NCAM2: variants seen among roughly 807,000 people sequenced by gnomAD.
The protein encoded by NCAM2 is N-CAM-2.
A neutral mutation model predicts 98.1 loss-of-function variants in NCAM2; 30 were observed. That is an observed-to-expected ratio of 0.31 (90% confidence interval 0.23 to 0.41). The LOEUF is 0.41. Ranked by LOEUF, NCAM2 falls within the 10% of genes least tolerant of loss-of-function variation. NCAM2 has a pLI of 1.00. For synonymous variants in NCAM2, 368 were observed against 342.4 expected (o/e 1.07, Z -0.83); for missense variants, 867 against 1,005.8 (o/e 0.86, Z 1.87).
intron 1 of NCAM2, among the ~76,000 whole-genome samples, chr21:21,206,744 T>C (rs1191991900): frequency 6.6e-6 from 1 of 152,108 alleles, no homozygotes; most frequent in Non-Finnish European, 1.5e-5. Context: ...TTCTTTGGTA[T>C]AGAAATTGGA....
chr21:21,456,432 T>C (rs1982156219), intron 12 of NCAM2, among the ~76,000 whole-genome samples: 1 of 152,196 alleles, frequency 6.6e-6, no homozygotes, highest in Non-Finnish European at 1.5e-5. Context: ...TGTATTCATT[T>C]TATAGTGCTA....
At chr21:21,216,433 A>C (rs1184237788) in intron 1 of NCAM2, among the ~76,000 whole-genome samples, 2 of 152,216 alleles carry the variant, frequency 1.3e-5, no homozygotes, top group Non-Finnish European at 2.9e-5. Flanking sequence ...GGAGTTGGAC[A>C]GATGGAGAAC....
intron 1 of NCAM2, among the ~76,000 whole-genome samples, chr21:21,143,211 GT>G (rs963393885): frequency 4.0e-5 from 6 of 151,868 alleles, no homozygotes; most frequent in African/African-American, 1.5e-4. Flanking sequence ...AGGCTTTTGG[GT>G]TTTTTTCCAT....
intron 8 of NCAM2, among the ~76,000 whole-genome samples, chr21:21,370,684 G>A (rs2075895069): frequency 6.6e-6 from 1 of 151,688 alleles, no homozygotes; most frequent in African/African-American, 2.4e-5. Flanking sequence ...ATGAACTCCA[G>A]GGCTAGACAA....
intron 1 of NCAM2, among the ~76,000 whole-genome samples, chr21:21,030,368 A>G (rs1014012319): frequency 2.6e-5 from 4 of 152,200 alleles, no homozygotes; most frequent in Non-Finnish European, 5.9e-5. Flanking sequence ...ACAAATTACC[A>G]TGAACTTAGA....
intron 1 of NCAM2, among the ~76,000 whole-genome samples, chr21:21,121,502 T>C (rs756671514): frequency 1.3e-5 from 2 of 152,186 alleles, no homozygotes; most frequent in Non-Finnish European, 2.9e-5. Flanking sequence ...ATGAATGACT[T>C]TGAATTGGGC....
Position 21,473,373 on chromosome 21 carries a change from A to AATATATATATATATATATAT in NCAM2, c.1897-3917_1897-3898dup, listed in dbSNP as rs57318222. 2.7e-3 allele frequency among the ~76,000 whole-genome samples: 373 copies of AATATATATATATATATATAT among 140,442 alleles called. 3 individuals are homozygous for AATATATATATATATATATAT. The highest frequency in any genetic ancestry group is 9.4e-3 in the African/African-American group (357 of 38,180). 92.1% of individuals were successfully genotyped at this position (140,442 alleles called of 152,430 possible). The stretch of plus-strand genomic sequence containing the variant: ...ATATAATATACAAAATATATGTATA[A>AATATATATATATATATATAT]ATATATATATATATATATATTATAT... On this transcript the variant is annotated intron_variant, in intron 14 of 17. Coordinates refer to ENST00000400546, the MANE Select transcript of NCAM2 (RefSeq NM_004540.5).
At chr21:21,407,847 A>G (rs2076773822) in intron 9 of NCAM2, among the ~76,000 whole-genome samples, 2 of 152,202 alleles carry the variant, frequency 1.3e-5, no homozygotes, top group African/African-American at 2.4e-5. Flanking sequence ...AAATAAAGAT[A>G]TAGACGTAAA....
At chr21:21,405,435 C>G (rs1017340557) in intron 9 of NCAM2, among the ~76,000 whole-genome samples, 3 of 151,798 alleles carry the variant, frequency 2.0e-5, no homozygotes, top group Admixed American at 6.6e-5. Context: ...CTAACTTTGG[C>G]GAGGTCCAGA....
At chr21:21,202,904 A>T (rs2069289118) in intron 1 of NCAM2, among the ~76,000 whole-genome samples, 3 of 152,162 alleles carry the variant, frequency 2.0e-5, no homozygotes, top group Admixed American at 2.0e-4. Context: ...ATGAATTTCT[A>T]GGACATATAT....
At chr21:21,262,876 G>A (rs1277157253) in intron 1 of NCAM2, among the ~76,000 whole-genome samples, 2 of 152,038 alleles carry the variant, frequency 1.3e-5, no homozygotes, top group Admixed American at 1.3e-4. Context: ...AGAGAAGAGA[G>A]CTTGTGCAGA....
At chr21:21,379,978 T>C (rs2076116578) in intron 9 of NCAM2, among the ~76,000 whole-genome samples, 1 of 152,094 alleles carries the variant, frequency 6.6e-6, no homozygotes, top group African/African-American at 2.4e-5. Context: ...GGAAGAAAGA[T>C]GTAGGCTGGG....
chr21:21,432,075 G>T (rs547504081), intron 11 of NCAM2, 33 bp from the exon 12 acceptor site: 8 of 1,593,986 alleles, frequency 5.0e-6, no homozygotes, highest in Middle Eastern at 1.7e-4. Context: ...CCATTCCCTT[G>T]GTTATGTTTT....
rs1235439753 is a variant in NCAM2, at chr21:21,522,551, A to G, written c.2283-11986A>G. Among the ~76,000 whole-genome samples, 6 of 151,574 alleles carry G rather than the reference A, an allele frequency of 4.0e-5. No individual in the cohort carries two copies. The East Asian group carries it at 9.6e-4, about 24-fold the overall frequency. ...AGAAAGAATATCCTTTCTCAGACAA[A>G]CAAAAATAGAGGGTATTTTTTGCCA... On this transcript the variant is annotated intron_variant, in intron 16 of 17. Coordinates refer to ENST00000400546, the MANE Select transcript of NCAM2 (RefSeq NM_004540.5).
intron 1 of NCAM2, among the ~76,000 whole-genome samples, chr21:21,258,812 C>T (rs778439822): frequency 4.6e-5 from 7 of 152,038 alleles, no homozygotes; most frequent in Non-Finnish European, 1.0e-4. Flanking sequence ...CTTTGGCAAG[C>T]ACAGGCCAAA....
intron 1 of NCAM2, among the ~76,000 whole-genome samples, chr21:21,154,509 TG>T (rs1197619224): frequency 6.6e-6 from 1 of 151,842 alleles, no homozygotes; most frequent in Admixed American, 6.6e-5. Context: ...TAAAATGATA[TG>T]GTATCTCATA....
At chr21:21,204,882 G>C (rs1361997353) in intron 1 of NCAM2, among the ~76,000 whole-genome samples, 1 of 152,086 alleles carries the variant, frequency 6.6e-6, no homozygotes, top group African/African-American at 2.4e-5. Context: ...TATAAATATA[G>C]AACGTATCCT....
At position 21,286,428 on chromosome 21, in the gene NCAM2, A is replaced by G. The variant is rs1240915815; in HGVS notation, c.481+16A>G. Reference sequence around the variant, plus strand: ...ATTTCCGACAGTTAGTATTTTGGTAACTCCCTAAGTTATATGTTCTAATAC... The same window carrying G: ...ATTTCCGACAGTTAGTATTTTGGTAGCTCCCTAAGTTATATGTTCTAATAC... On this transcript the variant is annotated intron_variant, in intron 4 of 17. Transcript: ENST00000400546. The G allele has an allele frequency of 6.2e-7, 1 of 1,609,724 alleles. No individual in the cohort carries two copies. The highest frequency in any genetic ancestry group is 1.7e-5 in the Admixed American group (1 of 59,652).
chr21:21,259,882 A>T (rs1207393603), intron 1 of NCAM2, among the ~76,000 whole-genome samples: 2 of 150,598 alleles, frequency 1.3e-5, no homozygotes, highest in Non-Finnish European at 2.9e-5. Context: ...GAACAAAATA[A>T]TTTTTTAAAA....
Sources: gnomAD v4.1 joint callset for allele counts (sites outside exome capture counted in the v4.1 genomes callset) on GRCh38, gnomAD v4.1.1 for gene constraint, MANE v1.5 for transcripts, NCBI Gene and HGNC (gene_info 2026-07-23, HGNC 2026-07-21) for gene names.